The following WDR5 variants were observed in gnomAD, a reference collection of about 807,000 sequenced individuals.
The protein encoded by WDR5 is WD repeat domain 5.
For missense variants in WDR5, 187 were observed against 416.9 expected (o/e 0.45, Z 4.80); for synonymous variants, 144 against 161.6 (o/e 0.89, Z 0.83).
At chr9:134,144,137 G>A (rs1832046625) in intron 7 of WDR5, among the ~76,000 whole-genome samples, 1 of 152,266 alleles carries the variant, frequency 6.6e-6, no homozygotes, top group Non-Finnish European at 1.5e-5. Flanking sequence ...CGGACGGACA[G>A]TGTGTCAGGC....
chr9:134,156,411 T>C, intron 12 of WDR5, 95 bp from the exon 13 acceptor site: 1 of 1,273,930 alleles, frequency 7.8e-7, no homozygotes, highest in East Asian at 2.3e-5. Context: ...AGGGTGGGCG[T>C]GGGGCAGGGC....
intron 1 of WDR5, among the ~76,000 whole-genome samples, chr9:134,139,275 C>A (rs895916174): frequency 1.3e-5 from 2 of 152,216 alleles, no homozygotes; most frequent in Non-Finnish European, 2.9e-5. Flanking sequence ...GGCCAGCAGC[C>A]TGTGCATGGA....
At chr9:134,137,676 A>C (rs1182833508) in intron 1 of WDR5, among the ~76,000 whole-genome samples, 1 of 141,128 alleles carries the variant, frequency 7.1e-6, no homozygotes, top group Non-Finnish European at 1.6e-5. Context: ...TCAAAAAAAA[A>C]ACAAAAACAA....
At chr9:134,136,685 TG>T (rs1831578044) in intron 1 of WDR5, among the ~76,000 whole-genome samples, 1 of 152,134 alleles carries the variant, frequency 6.6e-6, no homozygotes, top group African/African-American at 2.4e-5. Flanking sequence ...GGTGGGGTCC[TG>T]GGGTGCGGGT....
chr9:134,157,252 C>T lies in WDR5; in HGVS notation c.905-641C>T, dbSNP rs546490978. Among the ~76,000 whole-genome samples the T allele has an allele frequency of 2.6e-4, 39 of 152,332 alleles. No homozygotes were observed. The highest frequency in any genetic ancestry group is 7.7e-4 in the African/African-American group (32 of 41,588). ...TGGGGTCAGTGCTTACGCTCCACGG[C>T]GGGCCTGGGCCTTCCCCTGGGTCCT... On this transcript the variant is annotated intron_variant, in intron 13 of 13. Transcript: ENST00000358625. This position sits in a 1 kb window ranked among gnomAD's most constrained non-coding sequence, Gnocchi z 5.0.
chr9:134,136,710 CG>C (rs1238827065), intron 1 of WDR5, among the ~76,000 whole-genome samples: 1 of 152,184 alleles, frequency 6.6e-6, no homozygotes, highest in Non-Finnish European at 1.5e-5. Context: ...CGGTCCTGAA[CG>C]GTAGGCCCAC....
chr9:134,156,633 A>T, intron 13 of WDR5, 40 bp downstream of exon 13: 1 of 1,602,134 alleles, frequency 6.2e-7, no homozygotes, highest in African/African-American at 1.3e-5. Context: ...CTGCCTGTTG[A>T]TGTGAGGACA....
At chr9:134,154,621 G>A in intron 10 of WDR5, 80 bp downstream of exon 10, 1 of 1,510,430 alleles carries the variant, frequency 6.6e-7, no homozygotes, top group South Asian at 1.1e-5. Context: ...TGAGCCTTTG[G>A]AGAGCGTGTT....
chr9:134,145,386 G>A (rs1455684649), intron 7 of WDR5, among the ~76,000 whole-genome samples: 4 of 152,098 alleles, frequency 2.6e-5, no homozygotes, highest in African/African-American at 4.8e-5. Context: ...GGCGTGAGCC[G>A]CTGCGCCTGG....
chr9:134,156,157 T>A (rs927788299), intron 12 of WDR5, among the ~76,000 whole-genome samples: 1 of 152,242 alleles, frequency 6.6e-6, no homozygotes, highest in Non-Finnish European at 1.5e-5. Flanking sequence ...GTCTCGATGC[T>A]CCTGTCTTAG....
At chr9:134,141,374 G>A (rs984140191) in intron 3 of WDR5, 136 bp from the exon 4 acceptor site, 42 of 754,742 alleles carry the variant, frequency 5.6e-5, no homozygotes, top group Non-Finnish European at 7.0e-5. Flanking sequence ...GCATGTGGCC[G>A]TGCTGAATGG....
At chr9:134,152,194 GC>G (rs1832530721) in intron 9 of WDR5, among the ~76,000 whole-genome samples, 165 bp downstream of exon 9, 1 of 152,214 alleles carries the variant, frequency 6.6e-6, no homozygotes, top group Non-Finnish European at 1.5e-5. Flanking sequence ...CCCCCTGACC[GC>G]CCGCTGGCTC....
intron 7 of WDR5, among the ~76,000 whole-genome samples, chr9:134,143,557 C>T (rs1211872350): frequency 3.4e-5 from 5 of 146,894 alleles, no homozygotes; most frequent in African/African-American, 1.2e-4. Flanking sequence ...GACTGAGTCT[C>T]GCTCTGTTGC....
chr9:134,136,632 C>T (rs569107890), intron 1 of WDR5, among the ~76,000 whole-genome samples: 5 of 152,196 alleles, frequency 3.3e-5, no homozygotes, highest in Non-Finnish European at 7.3e-5. Context: ...AGCCCGCTCC[C>T]GCCGCTCACC....
At chr9:134,137,274 G>A (rs1303029442) in intron 1 of WDR5, among the ~76,000 whole-genome samples, 2 of 146,156 alleles carry the variant, frequency 1.4e-5, no homozygotes, top group East Asian at 3.9e-4. Context: ...TCTAGGGGCC[G>A]CCAATTCATC....
chr9:134,137,545 G>A (rs1423554318), intron 1 of WDR5, among the ~76,000 whole-genome samples: 1 of 151,876 alleles, frequency 6.6e-6, no homozygotes, highest in African/African-American at 2.4e-5. Context: ...TTGGCCGGGC[G>A]TAGTGGTACG....
rs1189837595 is a variant in WDR5 at position 134,144,406 on chromosome 9, T to C, written c.528+1687T>C. On this transcript the variant is annotated intron_variant, in intron 7 of 13. Transcript: ENST00000358625. ...CTTGTGAAGTAACCTGAGAAAGGGG[T>C]TCGCTGGTGGCCTTTGAGTTGGAAG... is the stretch of plus-strand genomic sequence containing the variant. Among the ~76,000 whole-genome samples, 5 of 152,246 alleles carry C rather than the reference T, an allele frequency of 3.3e-5. No homozygotes were observed. In the East Asian group the frequency reaches 9.6e-4, roughly 29 times the overall value.
In WDR5 at chr9:134,149,006, C is replaced by G. The variant is rs566839979; in HGVS notation, c.584+663C>G. Among the ~76,000 whole-genome samples the G allele has an allele frequency of 1.2e-3, 177 of 152,194 alleles. 2 individuals are homozygous for G. The highest frequency in any genetic ancestry group is 7.7e-3 in the South Asian group (37 of 4,814). ...TGGGGCGGACACATCATAAGCTGTT[C>G]AGATTGGTCACTGGGGAGGAGGAGG... On this transcript the variant is annotated intron_variant, in intron 8 of 13. Transcript: ENST00000358625.
chr9:134,145,420 G>A (rs140044614), intron 7 of WDR5, among the ~76,000 whole-genome samples: 173 of 152,268 alleles, frequency 1.1e-3, no homozygotes, highest in Middle Eastern at 0.01. Context: ...TGATGTCTGC[G>A]CACATCTATG....
Sources: gnomAD v4.1 joint callset for allele counts (sites outside exome capture counted in the v4.1 genomes callset) on GRCh38, gnomAD v4.1.1 for gene constraint, Gnocchi (gnomAD v3.1) non-coding constraint, MANE v1.5 for transcripts, NCBI Gene and HGNC (gene_info 2026-07-23, HGNC 2026-07-21) for gene names.